The following ACYP2 variants were observed in gnomAD, a reference collection of about 807,000 sequenced individuals.
ACYP2 encodes acylphosphatase 2.
In ACYP2, 12 loss-of-function variants were observed where a neutral mutation model predicts 11.2. The ratio of observed to expected loss-of-function variants is 1.08; its 90% CI spans 0.69 to 1.74. The LOEUF is 1.74. Among genes scored for constraint, ACYP2 ranks in the 40% most tolerant of loss-of-function variants. The pLI is 0.00. For missense variants in ACYP2, 134 were observed against 101.9 expected (o/e 1.31, Z -1.35); for synonymous variants, 43 against 32.2 (o/e 1.33, Z -1.13).
intron 6 of ACYP2, among the ~76,000 whole-genome samples, chr2:54,172,798 T>C (rs1382598745): frequency 1.3e-5 from 2 of 152,138 alleles, no homozygotes; most frequent in Non-Finnish European, 2.9e-5. Context: ...CATGTGGTGT[T>C]TGGTTTTCTG....
intron 4 of ACYP2, among the ~76,000 whole-genome samples, chr2:54,073,577 C>A (rs1490981591): frequency 1.3e-5 from 2 of 152,048 alleles, no homozygotes; most frequent in Non-Finnish European, 2.9e-5. Context: ...AAAGACACCA[C>A]CATCAAGAAA....
chr2:54,094,465 G>C (rs1472614658), intron 4 of ACYP2, among the ~76,000 whole-genome samples: 3 of 152,114 alleles, frequency 2.0e-5, no homozygotes, highest in African/African-American at 7.2e-5. Context: ...CTGACCTCAG[G>C]TGATCTACCC....
At chr2:54,026,118 A>G (rs1292474110) in intron 2 of ACYP2, among the ~76,000 whole-genome samples, 1 of 151,928 alleles carries the variant, frequency 6.6e-6, no homozygotes, top group African/African-American at 2.4e-5. Flanking sequence ...CTCTGTCTCA[A>G]CAAACAAACA....
intron 4 of ACYP2, among the ~76,000 whole-genome samples, chr2:54,118,021 T>C (rs545785616): frequency 1.3e-4 from 20 of 152,322 alleles, no homozygotes; most frequent in Admixed American, 1.2e-3. Context: ...GAACATAGAA[T>C]GTTTAGTTTT....
At chr2:54,199,678 G>C (rs1558606744) in intron 6 of ACYP2, among the ~76,000 whole-genome samples, 1 of 152,216 alleles carries the variant, frequency 6.6e-6, no homozygotes, top group Non-Finnish European at 1.5e-5. Flanking sequence ...TAGGAAGATG[G>C]AAAAGACTAT....
At chr2:53,973,884 TGTGTGTG>T (rs1558445347) in intron 2 of ACYP2, 1 of 130,722 alleles carries the variant, frequency 7.6e-6, no homozygotes, top group East Asian at 1.6e-4. Flanking sequence ...TGTGTGTGTG[TGTGTGTG>T]TGTGTGTGTG....
chr2:54,267,164 G>A (rs555856148), intron 6 of ACYP2: 1 of 842,968 alleles, frequency 1.2e-6, no homozygotes, highest in Non-Finnish European at 1.8e-6. Context: ...TAATGAGCAT[G>A]TATTATTCAT....
At chr2:54,040,284 G>A (rs945687220) in intron 2 of ACYP2, among the ~76,000 whole-genome samples, 2 of 152,136 alleles carry the variant, frequency 1.3e-5, no homozygotes, top group Non-Finnish European at 2.9e-5. Context: ...AAAGGAACAG[G>A]ATTTGGTGGT....
intron 6 of ACYP2, among the ~76,000 whole-genome samples, chr2:54,194,548 A>G (rs1684375689): frequency 6.6e-6 from 1 of 152,166 alleles, no homozygotes; most frequent in Admixed American, 6.5e-5. Flanking sequence ...CAGGAAGTCC[A>G]TAATGTTATA....
At chr2:54,027,121 T>G (rs2104550889) in intron 2 of ACYP2, among the ~76,000 whole-genome samples, 1 of 152,288 alleles carries the variant, frequency 6.6e-6, no homozygotes. Context: ...GTTTCCTCTA[T>G]TATTAACATT....
At chr2:54,234,141 A>G (rs1475294699) in intron 6 of ACYP2, among the ~76,000 whole-genome samples, 1 of 152,200 alleles carries the variant, frequency 6.6e-6, no homozygotes, top group East Asian at 1.9e-4. Context: ...TGATAGGAAT[A>G]AGAGGAGTAT....
chr2:54,158,854 TTAAA>T (rs1682567535), intron 6 of ACYP2, among the ~76,000 whole-genome samples: 2 of 152,120 alleles, frequency 1.3e-5, no homozygotes, highest in African/African-American at 4.8e-5. Flanking sequence ...GAAATGGAAA[TTAAA>T]TAAAATCACC....
At chr2:54,255,785 G>C in intron 6 of ACYP2, 1 of 1,613,798 alleles carries the variant, frequency 6.2e-7, no homozygotes, top group South Asian at 1.1e-5. Context: ...TCCCCACCTA[G>C]GCCGTGCGTC....
intron 6 of ACYP2, among the ~76,000 whole-genome samples, chr2:54,270,409 T>C (rs975828626): frequency 1.3e-5 from 2 of 152,048 alleles, no homozygotes; most frequent in Non-Finnish European, 2.9e-5. Context: ...TAAATTACTT[T>C]TTGTTTTTGT....
intron 3 of ACYP2, chr2:54,057,158 C>G (rs1676196062): frequency 2.5e-6 from 1 of 394,012 alleles, no homozygotes; most frequent in Admixed American, 4.4e-5. Context: ...TGACTGATTT[C>G]ATGACATAAC....
intron 2 of ACYP2, among the ~76,000 whole-genome samples, chr2:54,002,349 T>TG (rs1258463177): frequency 1.4e-4 from 17 of 121,680 alleles, no homozygotes; most frequent in African/African-American, 5.2e-4. Flanking sequence ...CTCATTTCTT[T>TG]CTTTTTTTTT....
intron 2 of ACYP2, among the ~76,000 whole-genome samples, chr2:54,028,994 C>T (rs1674441497): frequency 6.6e-6 from 1 of 152,032 alleles, no homozygotes; most frequent in South Asian, 2.1e-4. Flanking sequence ...CTCATCTCTA[C>T]AAAATATATA....
chr2:54,104,024 G>C (rs1679033717), intron 4 of ACYP2, among the ~76,000 whole-genome samples: 1 of 152,228 alleles, frequency 6.6e-6, no homozygotes, highest in Non-Finnish European at 1.5e-5. Flanking sequence ...GCCAGCCCCA[G>C]GTTGAACAAG....
chr2:54,096,787 A>T (rs1325251354), intron 4 of ACYP2, among the ~76,000 whole-genome samples: 1 of 151,622 alleles, frequency 6.6e-6, no homozygotes, highest in Non-Finnish European at 1.5e-5. Context: ...GCAGCAGTAC[A>T]GTCCAGCCTT....
Sources: allele counts gnomAD v4.1 joint callset (sites outside exome capture counted in the v4.1 genomes callset), GRCh38; gene constraint gnomAD v4.1.1; transcripts MANE v1.5; gene names NCBI Gene and HGNC (gene_info 2026-07-23, HGNC 2026-07-21).